HS3ST1: variants seen among roughly 807,000 people sequenced by gnomAD.
The protein encoded by HS3ST1 is heparan sulfate-glucosamine 3-sulfotransferase 1.
Under a neutral mutation model 20.7 loss-of-function variants are expected in HS3ST1, and 8 were observed. That is an observed-to-expected ratio of 0.39 (90% CI 0.23 to 0.70). The LOEUF is 0.70. Among genes scored for constraint, HS3ST1 ranks in the 30% least tolerant of loss-of-function variants. The probability of loss-of-function intolerance (pLI) is 0.46; values close to 1 mark genes in which losing one functional copy is unlikely to be tolerated. For synonymous variants in HS3ST1, 205 were observed against 190.4 expected (o/e 1.08, Z -0.63); for missense variants, 436 against 423.4 (o/e 1.03, Z -0.26).
At chr4:11,424,058 A>AC (rs972813389) in intron 1 of HS3ST1, among the ~76,000 whole-genome samples, 6 of 142,152 alleles carry the variant, frequency 4.2e-5, no homozygotes, top group Non-Finnish European at 9.2e-5. Flanking sequence ...AAAAAAAAAA[A>AC]CATAACCAGG....
chr4:11,433,544 G>A (rs1278844359), upstream of HS3ST1, among the ~76,000 whole-genome samples: 37 of 152,300 alleles, frequency 2.4e-4, no homozygotes, highest in Middle Eastern at 3.4e-3. Context: ...CCTTCAGGGC[G>A]ATGGAAAATT....
chr4:11,416,953 A>G (rs893265571), intron 1 of HS3ST1, among the ~76,000 whole-genome samples: 15 of 152,226 alleles, frequency 9.9e-5, no homozygotes, highest in African/African-American at 3.6e-4. Flanking sequence ...CAAAAGTTCT[A>G]CGCAGAGGAA....
intron 1 of HS3ST1, among the ~76,000 whole-genome samples, chr4:11,406,037 C>T (rs1250123563): frequency 1.3e-5 from 2 of 152,198 alleles, no homozygotes; most frequent in Non-Finnish European, 2.9e-5. Context: ...GATGGTGACA[C>T]ACTGTCACAG....
chr4:11,417,660 A>G (rs1349178413), intron 1 of HS3ST1, among the ~76,000 whole-genome samples: 2 of 152,146 alleles, frequency 1.3e-5, no homozygotes, highest in East Asian at 3.8e-4. Flanking sequence ...CAATAACCTA[A>G]TTATATTCGT....
intron 1 of HS3ST1, among the ~76,000 whole-genome samples, chr4:11,424,048 A>C (rs1389858294): frequency 6.6e-6 from 1 of 151,662 alleles, no homozygotes; most frequent in African/African-American, 2.4e-5. Flanking sequence ...AAAAAAAAAA[A>C]AAAAAAAAAA....
intron 1 of HS3ST1, among the ~76,000 whole-genome samples, chr4:11,415,719 T>C (rs1486573918): frequency 1.3e-5 from 2 of 152,206 alleles, no homozygotes; most frequent in Admixed American, 1.3e-4. Context: ...CTTAATCTAG[T>C]GTTTTTAAAG....
intron 1 of HS3ST1, among the ~76,000 whole-genome samples, chr4:11,402,529 G>T (rs975849178): frequency 2.6e-5 from 4 of 152,190 alleles, no homozygotes; most frequent in African/African-American, 9.7e-5. Context: ...ATGTGAGAAT[G>T]TATGCAATTG....
intron 1 of HS3ST1, among the ~76,000 whole-genome samples, chr4:11,409,923 C>T (rs555001372): frequency 3.9e-5 from 6 of 152,164 alleles, no homozygotes; most frequent in Admixed American, 6.5e-5. Flanking sequence ...TGTCAGAGAC[C>T]AGGGACCAGA....
At chr4:11,418,933 A>G (rs560443024) in intron 1 of HS3ST1, among the ~76,000 whole-genome samples, 4 of 152,138 alleles carry the variant, frequency 2.6e-5, no homozygotes, top group African/African-American at 4.8e-5. Flanking sequence ...CTTTCCCTCA[A>G]GATCATGAGG....
At chr4:11,425,194 T>C (rs926557076) in intron 1 of HS3ST1, among the ~76,000 whole-genome samples, 1 of 152,188 alleles carries the variant, frequency 6.6e-6, no homozygotes, top group African/African-American at 2.4e-5. Flanking sequence ...AGGCAGGCAC[T>C]GAGTTAGGTT....
upstream of HS3ST1, among the ~76,000 whole-genome samples, chr4:11,431,497 C>T (rs1156734405): frequency 2.6e-5 from 4 of 152,040 alleles, no homozygotes; most frequent in East Asian, 7.7e-4. Flanking sequence ...TATTGAGCAC[C>T]TAGTATGTGT....
intron 1 of HS3ST1, among the ~76,000 whole-genome samples, chr4:11,416,960 G>A (rs972053451): frequency 6.6e-6 from 1 of 152,178 alleles, no homozygotes; most frequent in Non-Finnish European, 1.5e-5. Context: ...TCTACGCAGA[G>A]GAAACAGTAT....
intron 1 of HS3ST1, among the ~76,000 whole-genome samples, chr4:11,418,305 A>C (rs969315775): frequency 6.6e-6 from 1 of 152,208 alleles, no homozygotes; most frequent in Non-Finnish European, 1.5e-5. Context: ...CAGCAAGAAA[A>C]ATAATCATTG....
upstream of HS3ST1, among the ~76,000 whole-genome samples, chr4:11,433,407 T>C (rs1235291120): frequency 6.6e-6 from 1 of 152,212 alleles, no homozygotes; most frequent in Admixed American, 6.5e-5. Context: ...AGAATATTGC[T>C]TTTATTTGTT....
intron 1 of HS3ST1, among the ~76,000 whole-genome samples, chr4:11,415,907 G>C (rs987647224): frequency 2.0e-5 from 3 of 152,178 alleles, no homozygotes; most frequent in Non-Finnish European, 4.4e-5. Flanking sequence ...CAGAGAGAGT[G>C]CTTCTGCGGA....
chr4:11,413,399 G>A (rs1718687123), intron 1 of HS3ST1, among the ~76,000 whole-genome samples: 1 of 152,028 alleles, frequency 6.6e-6, no homozygotes, highest in Non-Finnish European at 1.5e-5. Context: ...TAGGAAAAGA[G>A]CCGAGGACTG....
chr4:11,423,953 G>T (rs1330272772), intron 1 of HS3ST1, among the ~76,000 whole-genome samples: 1 of 150,730 alleles, frequency 6.6e-6, no homozygotes, highest in Non-Finnish European at 1.5e-5. Flanking sequence ...GGCCCACATG[G>T]TGTTATTTAG....
chr4:11,408,821 G>A (rs996774062), intron 1 of HS3ST1, among the ~76,000 whole-genome samples: 2 of 152,194 alleles, frequency 1.3e-5, no homozygotes, highest in Non-Finnish European at 2.9e-5. Context: ...GCTGCCTTGG[G>A]CCCACAGTGG....
intron 1 of HS3ST1, among the ~76,000 whole-genome samples, chr4:11,403,355 A>C (rs767611510): frequency 6.6e-6 from 1 of 152,132 alleles, no homozygotes; most frequent in Non-Finnish European, 1.5e-5. Context: ...TTTTTGTAAC[A>C]CTCTCAGAAA....
Sources: allele counts gnomAD v4.1 joint callset (sites outside exome capture counted in the v4.1 genomes callset), GRCh38; gene constraint gnomAD v4.1.1; transcripts MANE v1.5; gene names NCBI Gene and HGNC (gene_info 2026-07-23, HGNC 2026-07-21).